Variants in LRRK1 observed in about 807,000 individuals in gnomAD.
LRRK1 encodes leucine rich repeat kinase 1, also known as leucine-rich repeat serine/threonine-protein kinase 1.
Under a neutral mutation model 209.1 loss-of-function variants are expected in LRRK1, and 113 were observed. The observed-to-expected ratio is 0.54, with a 90% confidence interval of 0.46 to 0.63. The LOEUF is 0.63. Ranked by LOEUF, LRRK1 falls within the 30% of genes least tolerant of loss-of-function variation. The probability of loss-of-function intolerance (pLI) is 0.00; values close to 1 mark genes in which losing one functional copy is unlikely to be tolerated. For missense variants in LRRK1, 2,284 were observed against 2,632.2 expected (o/e 0.87, Z 2.89); for synonymous variants, 1,144 against 1,099.7 (o/e 1.04, Z -0.80).
chr15:100,955,939 C>T (rs754382292), intron 2 of LRRK1, among the ~76,000 whole-genome samples: 1 of 152,002 alleles, frequency 6.6e-6, no homozygotes, highest in Admixed American at 6.6e-5. Flanking sequence ...GGATATTGGT[C>T]TGTAATTTTC....
At position 101,027,492 on chromosome 15, in the gene LRRK1, G is replaced by C; in HGVS notation, c.2526+111G>C. 1 of 1,518,472 alleles carries C rather than the reference G, an allele frequency of 6.6e-7. No individual in the cohort carries two copies. Among genetic ancestry groups the C allele is most frequent in the Admixed American group, 2.0e-5 (1 of 50,444 alleles). 94.1% of individuals were successfully genotyped at this position (1,518,472 alleles called of 1,614,324 possible). ...CCATGTCTGTGTGGCAAGGCTCGGT[G>C]GTTCCTGGTGAGGGAGGGTCAGGAT... is the stretch of plus-strand genomic sequence containing the variant. On this transcript the variant is annotated intron_variant, in intron 18 of 33. Coordinates refer to ENST00000388948, the MANE Select transcript of LRRK1 (RefSeq NM_024652.6). This position sits in a 1 kb window ranked among gnomAD's most constrained non-coding sequence, Gnocchi z 5.1.
At chr15:101,034,809 A>T (rs1167186431) in intron 20 of LRRK1, among the ~76,000 whole-genome samples, 2 of 151,870 alleles carry the variant, frequency 1.3e-5, no homozygotes, top group African/African-American at 4.8e-5. Flanking sequence ...ATTCCTGATT[A>T]ACTTTGGGTA....
intron 2 of LRRK1, among the ~76,000 whole-genome samples, chr15:100,939,769 AC>A: frequency 6.6e-6 from 1 of 151,204 alleles, no homozygotes; most frequent in Non-Finnish European, 1.5e-5. Flanking sequence ...TACAGTTTGT[AC>A]AGCAAAGTCG....
chr15:101,052,069 C>G (rs1425448920), intron 24 of LRRK1, 109 bp downstream of exon 24: 4 of 1,316,144 alleles, frequency 3.0e-6, no homozygotes, highest in Non-Finnish European at 4.2e-6. Flanking sequence ...CGGGCAGGTG[C>G]CCCGGCCATG....
At position 101,055,124 on chromosome 15, in the gene LRRK1, G is replaced by T. The variant is rs2035722059; in HGVS notation, c.4233G>T (p.Gly1411=). ...TCAACATCAAGCTATCTGACTACGG[G>T]ATTTCGAGGCAGTCATTCCATGAGG... ...EHINIKLSDY[G]ISRQSFHEGA... The change falls in exon 27 of 34, where the codon GGG becomes GGT. Residue 1411 remains glycine (G), a synonymous_variant. Transcript: ENST00000388948. 6.2e-7 allele frequency: 1 copy of T among 1,613,834 alleles called. No homozygotes were observed.
intron 2 of LRRK1, among the ~76,000 whole-genome samples, chr15:100,949,284 T>G (rs1446166460): frequency 6.6e-6 from 1 of 151,986 alleles, no homozygotes; most frequent in East Asian, 1.9e-4. Flanking sequence ...CTAGATGAAA[T>G]AAAGTCCTAG....
intron 20 of LRRK1, among the ~76,000 whole-genome samples, chr15:101,041,176 G>T (rs565185034): frequency 1.3e-5 from 2 of 151,844 alleles, no homozygotes; most frequent in East Asian, 3.9e-4. Context: ...TCCTTTTCTT[G>T]AAGTCTATTT....
chr15:101,010,866 C>T, intron 9 of LRRK1, 29 bp downstream of exon 9: 1 of 1,595,282 alleles, frequency 6.3e-7, no homozygotes, highest in Non-Finnish European at 8.5e-7. Flanking sequence ...GTCATGAAAG[C>T]CACAGTCAAC....
At chr15:101,025,242 TC>T (rs1226382190) in intron 16 of LRRK1, among the ~76,000 whole-genome samples, 1 of 152,160 alleles carries the variant, frequency 6.6e-6, no homozygotes, top group Non-Finnish European at 1.5e-5. Flanking sequence ...TATAAAGATG[TC>T]CTTGTCTCCC....
At chr15:101,029,274 C>G (rs2034179361) in intron 20 of LRRK1, 42 bp downstream of exon 20, 5 of 1,560,076 alleles carry the variant, frequency 3.2e-6, no homozygotes, top group Non-Finnish European at 4.3e-6. Flanking sequence ...CAGGTTGCTC[C>G]CCGAAAGAGG....
chr15:101,056,498 TGGAAAAGAGGAAGGATA>T (rs1366187889), intron 27 of LRRK1, among the ~76,000 whole-genome samples: 3 of 151,808 alleles, frequency 2.0e-5, no homozygotes, highest in Non-Finnish European at 2.9e-5. Context: ...GATGGGTGGA[TGGAAAAGAGGAAGGATA>T]GGAAGACAGA....
chr15:101,039,064 T>C (rs2034622590), intron 20 of LRRK1, among the ~76,000 whole-genome samples: 1 of 152,220 alleles, frequency 6.6e-6, no homozygotes, highest in Non-Finnish European at 1.5e-5. Context: ...ACCCTCCAAT[T>C]TTGTTCTTCT....
At chr15:101,042,637 T>TC (rs1448295294) in intron 20 of LRRK1, among the ~76,000 whole-genome samples, 12 of 152,264 alleles carry the variant, frequency 7.9e-5, no homozygotes, top group African/African-American at 2.4e-4. Context: ...CTTCTCTGCC[T>TC]CCCCACAGCA....
intron 2 of LRRK1, among the ~76,000 whole-genome samples, chr15:100,958,389 G>A (rs562975979): frequency 2.0e-5 from 3 of 152,290 alleles, no homozygotes; most frequent in African/African-American, 4.8e-5. Context: ...GTCCTGTCTG[G>A]AGTTGATGTT....
chr15:101,019,728 A>G (rs931091038), intron 12 of LRRK1, among the ~76,000 whole-genome samples: 4 of 152,168 alleles, frequency 2.6e-5, no homozygotes, highest in African/African-American at 4.8e-5. Flanking sequence ...AGGGAACCCT[A>G]TGAGAGGGCT....
At chr15:101,004,925 C>T (rs1210140654) in intron 6 of LRRK1, among the ~76,000 whole-genome samples, 1 of 152,170 alleles carries the variant, frequency 6.6e-6, no homozygotes, top group Admixed American at 6.5e-5. Context: ...TGATGGTCCC[C>T]AGAGTTTTAT....
chr15:101,008,717 G>A, intron 6 of LRRK1, 120 bp from the exon 7 acceptor site: 1 of 770,932 alleles, frequency 1.3e-6, no homozygotes, highest in East Asian at 2.7e-5. Context: ...CAGGCCTCTT[G>A]GGACCCGGGC....
intron 20 of LRRK1, among the ~76,000 whole-genome samples, chr15:101,043,274 T>A (rs1376090725): frequency 6.6e-6 from 1 of 152,180 alleles, no homozygotes; most frequent in African/African-American, 2.4e-5. Context: ...GCCCCACCTT[T>A]GCCTGAGGCC....
At chr15:100,962,812 TATATATATA>T (rs1388162787) in intron 2 of LRRK1, among the ~76,000 whole-genome samples, 2 of 31,666 alleles carry the variant, frequency 6.3e-5, no homozygotes, top group African/African-American at 1.0e-4. Context: ...TATATATATA[TATATATATA>T]TATTTTTTTT....
Sources: allele counts gnomAD v4.1 joint callset (sites outside exome capture counted in the v4.1 genomes callset), GRCh38; gene constraint gnomAD v4.1.1; non-coding constraint Gnocchi (gnomAD v3.1); transcripts MANE v1.5; gene names NCBI Gene and HGNC (gene_info 2026-07-23, HGNC 2026-07-21).